The following DLGAP2 variants were observed in gnomAD, a reference collection of about 807,000 sequenced individuals.
DLGAP2 encodes DLG associated protein 2, also known as disks large-associated protein 2.
A neutral mutation model predicts 100.3 loss-of-function variants in DLGAP2; 26 were observed. That is an observed-to-expected ratio of 0.26 (90% confidence interval 0.19 to 0.36). DLGAP2 has a LOEUF of 0.36. Among genes scored for constraint, DLGAP2 ranks in the 10% least tolerant of loss-of-function variants. The pLI is 1.00. For missense variants in DLGAP2, 1,858 were observed against 1,453.2 expected (o/e 1.28, Z -4.53); for synonymous variants, 886 against 630.1 (o/e 1.41, Z -6.08).
intron 1 of DLGAP2, among the ~76,000 whole-genome samples, chr8:882,225 A>C (rs905269760): frequency 1.4e-5 from 2 of 138,798 alleles, no homozygotes; most frequent in African/African-American, 5.3e-5. Context: ...TAATTTAGTT[A>C]GCACATCATC....
At chr8:799,389 T>A (rs1030712376) in intron 1 of DLGAP2, among the ~76,000 whole-genome samples, 1 of 151,940 alleles carries the variant, frequency 6.6e-6, no homozygotes, top group East Asian at 1.9e-4. Flanking sequence ...GGATCCTGGG[T>A]GCCTGGGTGG....
chr8:1,008,771 C>T (rs577664558), intron 2 of DLGAP2, among the ~76,000 whole-genome samples: 5 of 152,240 alleles, frequency 3.3e-5, no homozygotes, highest in African/African-American at 1.2e-4. Context: ...CAGGGAGCAA[C>T]CTCCACCTGC....
chr8:1,188,151 CCG>C (rs1797553502), intron 2 of DLGAP2, among the ~76,000 whole-genome samples: 1 of 142,456 alleles, frequency 7.0e-6, no homozygotes, highest in African/African-American at 2.7e-5. Context: ...CCCGGGACTT[CCG>C]TGACGTTTCC....
chr8:1,235,244 ACACATGGCGTCGTGTCTAGTTCTCTCT>A (rs1398184264), intron 2 of DLGAP2, among the ~76,000 whole-genome samples: 1,018 of 89,364 alleles, frequency 0.011, 8 homozygotes, highest in Middle Eastern at 0.066. Context: ...TAGTTCTCTC[ACACATGGCGTCGTGTCTAGTTCTCTCT>A]CACATGGCGT....
intron 3 of DLGAP2, among the ~76,000 whole-genome samples, chr8:1,290,793 G>C (rs1800040378): frequency 1.3e-5 from 2 of 152,168 alleles, no homozygotes; most frequent in African/African-American, 4.8e-5. Flanking sequence ...CTGATAGCTT[G>C]GAGCTGTCAA....
In DLGAP2 at chr8:1,184,820, G is replaced by C. The variant is rs1275978879; in HGVS notation, c.74-74031G>C. Among the ~76,000 whole-genome samples the C allele has an allele frequency of 4.6e-5, 7 of 152,180 alleles. No individual in the cohort carries two copies. In the East Asian group the frequency reaches 1.4e-3, roughly 29 times the overall value. On this transcript the variant is annotated intron_variant, in intron 2 of 14. Coordinates refer to ENST00000637795, the MANE Select transcript of DLGAP2 (RefSeq NM_001346810.2). ...TCTCCAGGCCTGGGCTAAGTGCTCTGCGCACGTTGCACGCCTTGGCCTTAT... is the reference window on the plus strand; with the variant it reads ...TCTCCAGGCCTGGGCTAAGTGCTCTCCGCACGTTGCACGCCTTGGCCTTAT...
chr8:1,625,752 C>T (rs1563264780), intron 6 of DLGAP2, among the ~76,000 whole-genome samples: 1 of 152,208 alleles, frequency 6.6e-6, no homozygotes, highest in African/African-American at 2.4e-5. Flanking sequence ...TATGGAATGA[C>T]CCAAATTTCA....
chr8:978,831 A>G (rs570852189), intron 2 of DLGAP2, among the ~76,000 whole-genome samples: 1 of 152,214 alleles, frequency 6.6e-6, no homozygotes, highest in Non-Finnish European at 1.5e-5. Context: ...TGACAAAACC[A>G]GGTTTCTTTA....
chr8:1,083,012 A>G (rs1029620915), intron 2 of DLGAP2, among the ~76,000 whole-genome samples: 5 of 152,240 alleles, frequency 3.3e-5, no homozygotes, highest in African/African-American at 4.8e-5. Context: ...AAGAAGATAT[A>G]TATGGACCAC....
chr8:1,087,969 T>C (rs1804031817), intron 2 of DLGAP2, among the ~76,000 whole-genome samples: 1 of 152,252 alleles, frequency 6.6e-6, no homozygotes, highest in Admixed American at 6.5e-5. Flanking sequence ...CTGGGCTATG[T>C]GGCCTCCTTA....
chr8:1,255,073 C>CTCTCCTGCCTGGGT (rs1799158447), intron 2 of DLGAP2, among the ~76,000 whole-genome samples: 2 of 106,658 alleles, frequency 1.9e-5, no homozygotes, highest in African/African-American at 8.6e-5. Flanking sequence ...CCTGCCCGGC[C>CTCTCCTGCCTGGGT]GCTGTGTGTG....
At chr8:1,630,775 T>C (rs148378421) in intron 7 of DLGAP2, among the ~76,000 whole-genome samples, 245 of 152,190 alleles carry the variant, frequency 1.6e-3, no homozygotes, top group African/African-American at 5.6e-3. Context: ...GAATTAAAAA[T>C]CTAACTGAAG....
intron 2 of DLGAP2, among the ~76,000 whole-genome samples, chr8:1,179,242 G>C (rs191319434): frequency 6.6e-6 from 1 of 152,258 alleles, no homozygotes; most frequent in African/African-American, 2.4e-5. Context: ...GGATGGCTGA[G>C]TATTTCAGAG....
At chr8:1,443,020 T>C (rs1206071555) in intron 3 of DLGAP2, among the ~76,000 whole-genome samples, 4 of 152,386 alleles carry the variant, frequency 2.6e-5, no homozygotes, top group African/African-American at 9.6e-5. Context: ...ATTAACTTTA[T>C]CATTCTTTTA....
intron 2 of DLGAP2, among the ~76,000 whole-genome samples, chr8:1,133,688 CAT>C (rs1409733865): frequency 6.6e-6 from 1 of 152,090 alleles, no homozygotes; most frequent in Non-Finnish European, 1.5e-5. Flanking sequence ...GTGAGGAATT[CAT>C]ATTAATATTA....
rs1320150769 is a variant in DLGAP2, at chr8:1,351,725, G to T, written c.106+92842G>T. On this transcript the variant is annotated intron_variant, in intron 3 of 14. Transcript: ENST00000637795. ...CGTGGAAAGGCCATGCGGGTCCTGAGTGTGTGTGGAAAGGCCGTGCGGGTC... is the reference window on the plus strand; with the variant it reads ...CGTGGAAAGGCCATGCGGGTCCTGATTGTGTGTGGAAAGGCCGTGCGGGTC... Among the ~76,000 whole-genome samples the T allele has an allele frequency of 1.2e-4, 4 of 32,136 alleles. 1 individual carries two copies. The highest frequency in any genetic ancestry group is 1.0e-3 in the Admixed American group (2 of 2,000). The allele number at this position is 32,136 out of a possible 152,430, so 21.1% of individuals were successfully genotyped here. A position where few individuals can be genotyped will look rare whatever the true frequency, so the allele number is the denominator to read the frequency against.
intron 2 of DLGAP2, among the ~76,000 whole-genome samples, chr8:1,204,147 C>T (rs986259021): frequency 6.6e-6 from 1 of 152,240 alleles, no homozygotes. Flanking sequence ...AATGCCGGTC[C>T]ACAGACCAGA....
At chr8:1,229,317 T>G (rs1166802022) in intron 2 of DLGAP2, among the ~76,000 whole-genome samples, 2 of 152,166 alleles carry the variant, frequency 1.3e-5, no homozygotes, top group African/African-American at 4.8e-5. Context: ...AGCTCCTTTT[T>G]GTACGTCTGG....
intron 2 of DLGAP2, among the ~76,000 whole-genome samples, chr8:1,063,521 CTTTT>C (rs34456280): frequency 4.5e-5 from 5 of 111,370 alleles, no homozygotes; most frequent in Non-Finnish European, 5.7e-5. Flanking sequence ...AGTATACTGG[CTTTT>C]TTTTTTTTTT....
Sources: gnomAD v4.1 joint callset for allele counts (sites outside exome capture counted in the v4.1 genomes callset) on GRCh38, gnomAD v4.1.1 for gene constraint, MANE v1.5 for transcripts, NCBI Gene and HGNC (gene_info 2026-07-23, HGNC 2026-07-21) for gene names.